The following ROBO2 variants were observed in gnomAD, a reference collection of about 807,000 sequenced individuals.
ROBO2 encodes roundabout guidance receptor 2, also known as roundabout homolog 2.
A neutral mutation model predicts 160.8 loss-of-function variants in ROBO2; 53 were observed. The observed-to-expected ratio is 0.33, with a 90% CI of 0.26 to 0.41. The LOEUF (loss-of-function observed/expected upper bound fraction) is 0.41, where lower values mean the gene tolerates loss of function less well. ROBO2 is among the 10% of genes least tolerant of loss of function. The probability of loss-of-function intolerance (pLI) is 1.00; values close to 1 mark genes in which losing one functional copy is unlikely to be tolerated. For missense variants in ROBO2, 1,577 were observed against 1,722.4 expected (o/e 0.92, Z 1.49); for synonymous variants, 664 against 611.7 (o/e 1.09, Z -1.26).
At chr3:77,360,830 T>C (rs1186784750) in intron 2 of ROBO2, among the ~76,000 whole-genome samples, 1 of 152,096 alleles carries the variant, frequency 6.6e-6, no homozygotes, top group Non-Finnish European at 1.5e-5. Flanking sequence ...GACCACATTC[T>C]ATATTTTGGG....
intron 2 of ROBO2, among the ~76,000 whole-genome samples, chr3:76,417,427 A>G (rs1300758035): frequency 6.6e-6 from 1 of 152,202 alleles, no homozygotes; most frequent in Non-Finnish European, 1.5e-5. Context: ...CAAACAACAA[A>G]TCAAATATGA....
intron 2 of ROBO2, among the ~76,000 whole-genome samples, chr3:76,046,814 A>G (rs2067468104): frequency 6.6e-6 from 1 of 150,634 alleles, no homozygotes; most frequent in South Asian, 2.1e-4. Context: ...ACTAGAATAT[A>G]TCACGTATGG....
intron 2 of ROBO2, among the ~76,000 whole-genome samples, chr3:76,884,383 A>G (rs3884408): frequency 0.16 from 23,745 of 152,186 alleles, 2,179 homozygotes; most frequent in South Asian, 0.23. Context: ...AGAGATACAG[A>G]GATAAATAAG....
chr3:77,268,025 G>A (rs1160226192), intron 2 of ROBO2, among the ~76,000 whole-genome samples: 1 of 152,152 alleles, frequency 6.6e-6, no homozygotes, highest in Non-Finnish European at 1.5e-5. Context: ...AAAGCAAATT[G>A]TTGTAAAATG....
chr3:76,000,896 C>T (rs2065868067), intron 2 of ROBO2, among the ~76,000 whole-genome samples: 1 of 152,040 alleles, frequency 6.6e-6, no homozygotes, highest in South Asian at 2.1e-4. Flanking sequence ...CTTATGCTCT[C>T]TATCTTTTAG....
chr3:76,829,697 TCAC>T, intron 2 of ROBO2, among the ~76,000 whole-genome samples: 1 of 151,658 alleles, frequency 6.6e-6, no homozygotes, highest in South Asian at 2.1e-4. Context: ...AGATAGAGTT[TCAC>T]TCTTGTTGCC....
rs191112141 is a variant in ROBO2, at chr3:77,285,423, C to T, written c.388+187083C>T. On this transcript the variant is annotated intron_variant, in intron 2 of 25. Coordinates refer to ENST00000461745, the Ensembl canonical transcript of ROBO2. ...CGTCTGCTATACAATCTATTTACCT[C>T]GTCCTCTCACTTACACCAATCTTTC... 2.7e-4 allele frequency among the ~76,000 whole-genome samples: 41 copies of T among 152,328 alleles called. No individual in the cohort carries two copies. In the East Asian group the frequency reaches 5.6e-3, roughly 21 times the overall value.
intron 2 of ROBO2, among the ~76,000 whole-genome samples, chr3:76,472,100 T>TGCGC (rs1193840414): frequency 9.0e-5 from 10 of 111,018 alleles, no homozygotes; most frequent in African/African-American, 1.4e-4. Flanking sequence ...TGTGTGTGTG[T>TGCGC]GCGCGTGTGC....
intron 2 of ROBO2, among the ~76,000 whole-genome samples, chr3:76,950,260 A>C (rs139908765): frequency 3.9e-5 from 6 of 152,328 alleles, no homozygotes; most frequent in Non-Finnish European, 8.8e-5. Flanking sequence ...TAAAGAAAAT[A>C]GTAATTAGGG....
At chr3:76,285,432 TG>T (rs1338081310) in intron 2 of ROBO2, among the ~76,000 whole-genome samples, 4 of 152,198 alleles carry the variant, frequency 2.6e-5, no homozygotes, top group Admixed American at 1.3e-4. Context: ...AACTCTTGAT[TG>T]CCAGCAGAAT....
intron 2 of ROBO2, among the ~76,000 whole-genome samples, chr3:77,320,095 A>G (rs1006440538): frequency 2.0e-5 from 3 of 152,176 alleles, no homozygotes; most frequent in Admixed American, 1.3e-4. Flanking sequence ...ATTTTAATTC[A>G]TTACACCAAG....
At chr3:77,108,272 G>C in intron 2 of ROBO2, among the ~76,000 whole-genome samples, 1 of 109,662 alleles carries the variant, frequency 9.1e-6, no homozygotes, top group Non-Finnish European at 2.0e-5. Context: ...ATACACATAT[G>C]CATATATATA....
chr3:77,130,442 T>C (rs2075749982), intron 2 of ROBO2, among the ~76,000 whole-genome samples: 1 of 7,730 alleles, frequency 1.3e-4, no homozygotes, highest in South Asian at 0.05. Flanking sequence ...AATAAGTAAT[T>C]AGCAAAAAAA....
intron 2 of ROBO2, among the ~76,000 whole-genome samples, chr3:76,647,268 C>A (rs2091017503): frequency 6.6e-6 from 1 of 152,174 alleles, no homozygotes; most frequent in Admixed American, 6.5e-5. Flanking sequence ...GATTCCACTG[C>A]TGCTACAAGA....
At chr3:77,260,572 A>G (rs151265587) in intron 2 of ROBO2, among the ~76,000 whole-genome samples, 35 of 152,288 alleles carry the variant, frequency 2.3e-4, no homozygotes, top group African/African-American at 7.9e-4. Flanking sequence ...CCGTCATTCT[A>G]AAGGAACTAA....
chr3:76,845,062 C>T (rs775207689), intron 2 of ROBO2, among the ~76,000 whole-genome samples: 26 of 151,820 alleles, frequency 1.7e-4, no homozygotes, highest in Admixed American at 6.6e-4. Flanking sequence ...CATTTTGAAA[C>T]GTAAAAGAAT....
At chr3:76,120,293 C>T (rs917506765) in intron 2 of ROBO2, among the ~76,000 whole-genome samples, 8 of 152,006 alleles carry the variant, frequency 5.3e-5, no homozygotes, top group African/African-American at 7.2e-5. Context: ...TGAGCCACCA[C>T]GCCTGGAGGC....
At chr3:76,670,321 G>GTTT (rs34588032) in intron 2 of ROBO2, among the ~76,000 whole-genome samples, 3 of 145,854 alleles carry the variant, frequency 2.1e-5, no homozygotes, top group Non-Finnish European at 4.5e-5. Flanking sequence ...CCTGTAGTAG[G>GTTT]TTTTTTTTTT....
chr3:76,382,786 A>G (rs1460100770), intron 2 of ROBO2, among the ~76,000 whole-genome samples: 1 of 152,214 alleles, frequency 6.6e-6, no homozygotes, highest in East Asian at 1.9e-4. Context: ...TGGGTTTTCA[A>G]GGGAAACACT....
Sources: allele counts gnomAD v4.1 joint callset (sites outside exome capture counted in the v4.1 genomes callset), GRCh38; gene constraint gnomAD v4.1.1; transcripts MANE v1.5; gene names NCBI Gene and HGNC (gene_info 2026-07-23, HGNC 2026-07-21).